WWP1: variants seen among roughly 807,000 people sequenced by gnomAD.
WWP1 encodes WW domain containing E3 ubiquitin protein ligase 1, also known as NEDD4-like E3 ubiquitin-protein ligase WWP1.
Under a neutral mutation model 130.6 loss-of-function variants are expected in WWP1, and 49 were observed. The ratio of observed to expected loss-of-function variants is 0.38; its 90% CI spans 0.30 to 0.48. The LOEUF (loss-of-function observed/expected upper bound fraction) is 0.48, where lower values mean the gene tolerates loss of function less well. Among genes scored for constraint, WWP1 ranks in the 20% least tolerant of loss-of-function variants. The pLI is 0.99. For missense variants in WWP1, 809 were observed against 1,100.6 expected (o/e 0.74, Z 3.75); for synonymous variants, 332 against 367.8 (o/e 0.90, Z 1.11).
At chr8:86,355,914 G>A (rs1823228087) in intron 1 of WWP1, among the ~76,000 whole-genome samples, 1 of 152,312 alleles carries the variant, frequency 6.6e-6, no homozygotes, top group South Asian at 2.1e-4. Flanking sequence ...CGTATGTAGT[G>A]AAAAGAGCAT....
chr8:86,366,793 A>G (rs1266133796), intron 1 of WWP1, among the ~76,000 whole-genome samples: 6 of 152,204 alleles, frequency 3.9e-5, no homozygotes, highest in Non-Finnish European at 8.8e-5. Context: ...GCTCCTGAGC[A>G]AACTGGGACG....
chr8:86,348,280 G>A (rs1180571951), intron 1 of WWP1, among the ~76,000 whole-genome samples: 1 of 151,702 alleles, frequency 6.6e-6, no homozygotes, highest in African/African-American at 2.4e-5. Flanking sequence ...GTGCAATGGC[G>A]CAATCTTGGC....
intron 20 of WWP1, among the ~76,000 whole-genome samples, chr8:86,451,264 A>C (rs1811164189): frequency 7.1e-6 from 1 of 141,438 alleles, no homozygotes. Context: ...GATACATGAA[A>C]GCTTGCCCGA....
chr8:86,415,513 A>G (rs1808840470), intron 9 of WWP1, among the ~76,000 whole-genome samples: 1 of 152,158 alleles, frequency 6.6e-6, no homozygotes. Flanking sequence ...CTGGAATTCA[A>G]TATGTTTTAA....
chr8:86,354,196 G>A (rs1308504502), intron 1 of WWP1, among the ~76,000 whole-genome samples: 1 of 152,102 alleles, frequency 6.6e-6, no homozygotes, highest in African/African-American at 2.4e-5. Context: ...ACTTAAACCT[G>A]GCACTTAGTT....
At chr8:86,438,809 C>A in intron 17 of WWP1, 136 bp downstream of exon 17, 1 of 613,288 alleles carries the variant, frequency 1.6e-6, no homozygotes, top group Non-Finnish European at 2.7e-6. Context: ...CAAAAATACA[C>A]ACGGTAACCA....
chr8:86,402,389 G>A (rs1412074363), intron 8 of WWP1, among the ~76,000 whole-genome samples, 186 bp downstream of exon 8: 2 of 152,072 alleles, frequency 1.3e-5, no homozygotes, highest in Admixed American at 6.6e-5. Context: ...GGGTTCAAGC[G>A]ATTCCCCTGC....
At chr8:86,463,260 G>T (rs1253662438) in intron 24 of WWP1, among the ~76,000 whole-genome samples, 5 of 152,112 alleles carry the variant, frequency 3.3e-5, no homozygotes, top group Non-Finnish European at 7.4e-5. Flanking sequence ...CCATGAGCTT[G>T]ACAGCTTCTT....
intron 14 of WWP1, among the ~76,000 whole-genome samples, chr8:86,435,082 T>C (rs552922612): frequency 1.3e-5 from 2 of 152,344 alleles, no homozygotes; most frequent in Admixed American, 1.3e-4. Flanking sequence ...GGTTTTAGGT[T>C]AGGCTTAGGA....
chr8:86,465,310 C>CA (rs1812002737), intron 24 of WWP1, among the ~76,000 whole-genome samples: 1 of 144,834 alleles, frequency 6.9e-6, no homozygotes, highest in African/African-American at 2.5e-5. Flanking sequence ...GTCTTTTTAG[C>CA]AAAAAGTAAA....
At chr8:86,464,878 C>A (rs776518299) in intron 24 of WWP1, among the ~76,000 whole-genome samples, 4 of 151,802 alleles carry the variant, frequency 2.6e-5, no homozygotes, top group Non-Finnish European at 5.9e-5. Context: ...CCTCTGCCTT[C>A]AATAAAAGTG....
At position 86,448,157 on chromosome 8, in the gene WWP1, C is replaced by G; in HGVS notation, c.2008C>G (p.His670Asp). ...IGRFIAMALF[H>D]GKFIDTGFSL... Reference sequence around the variant, plus strand: ...TCATTTTTCTTTGCAGGCACTATTTCATGGAAAGTTTATCGATACTGGTTT... The same window carrying G: ...TCATTTTTCTTTGCAGGCACTATTTGATGGAAAGTTTATCGATACTGGTTT... The change falls in exon 19 of 25, where the codon CAT (histidine) becomes GAT (aspartate). Residue 670 changes from histidine to aspartate, a missense_variant. Physicochemically the swap from His to Asp is moderately conservative, Grantham distance 81. Transcript: ENST00000517970. 1 of 1,553,232 alleles carries G rather than the reference C, an allele frequency of 6.4e-7. No homozygotes were observed. Among genetic ancestry groups the G allele is most frequent in the Non-Finnish European group, 8.6e-7 (1 of 1,163,488 alleles).
At chr8:86,399,373 TAG>T (rs1450496158) in intron 7 of WWP1, among the ~76,000 whole-genome samples, 6 of 152,204 alleles carry the variant, frequency 3.9e-5, no homozygotes, top group African/African-American at 1.4e-4. Context: ...TGACAATTAA[TAG>T]AGGTTTTTTG....
At chr8:86,456,357 T>C (rs762809855) in intron 21 of WWP1, among the ~76,000 whole-genome samples, 4 of 151,868 alleles carry the variant, frequency 2.6e-5, no homozygotes, top group Non-Finnish European at 4.4e-5. Context: ...GAGACAAAGA[T>C]CTTATATCTG....
intron 2 of WWP1, among the ~76,000 whole-genome samples, chr8:86,370,855 CTTTTTTTTTT>C (rs555585296): frequency 1.4e-3 from 61 of 44,888 alleles, no homozygotes; most frequent in African/African-American, 6.1e-3. Flanking sequence ...TATATTCATT[CTTTTTTTTTT>C]TTTTTTTTTT....
chr8:86,350,142 C>A (rs1352934944), intron 1 of WWP1, among the ~76,000 whole-genome samples: 1 of 152,178 alleles, frequency 6.6e-6, no homozygotes, highest in Non-Finnish European at 1.5e-5. Flanking sequence ...TATGGAAATA[C>A]AATGAATAAG....
At chr8:86,394,933 TAAAAAAAA>T (rs10694206) in intron 5 of WWP1, among the ~76,000 whole-genome samples, 1 of 76,412 alleles carries the variant, frequency 1.3e-5, no homozygotes, top group Non-Finnish European at 2.4e-5. Flanking sequence ...CTGTTCTTCT[TAAAAAAAA>T]AAAAAAAAAA....
chr8:86,379,352 T>C (rs1323195589), intron 3 of WWP1, among the ~76,000 whole-genome samples: 1 of 152,202 alleles, frequency 6.6e-6, no homozygotes, highest in African/African-American at 2.4e-5. Context: ...GCTTGGAATC[T>C]TGCATTTATC....
chr8:86,351,116 C>T (rs1265911050), intron 1 of WWP1, among the ~76,000 whole-genome samples: 1 of 152,132 alleles, frequency 6.6e-6, no homozygotes, highest in Non-Finnish European at 1.5e-5. Context: ...TAAAGAATAC[C>T]ATCCTTAATG....
Sources: allele counts gnomAD v4.1 joint callset (sites outside exome capture counted in the v4.1 genomes callset), GRCh38; gene constraint gnomAD v4.1.1; transcripts MANE v1.5; gene names NCBI Gene and HGNC (gene_info 2026-07-23, HGNC 2026-07-21).